The following CCNH variants were observed in gnomAD, a reference collection of about 807,000 sequenced individuals.
The protein encoded by CCNH is cyclin H.
A neutral mutation model predicts 41.9 loss-of-function variants in CCNH; 31 were observed. That is an observed-to-expected ratio of 0.74 (90% CI 0.56 to 1.00). CCNH has a LOEUF of 1.00. Among genes scored for constraint, CCNH ranks in the 50% least tolerant of loss-of-function variants. The probability of loss-of-function intolerance (pLI) is 0.00; values close to 1 mark genes in which losing one functional copy is unlikely to be tolerated. For synonymous variants in CCNH, 138 were observed against 136.1 expected (o/e 1.01, Z -0.10); for missense variants, 362 against 388.4 (o/e 0.93, Z 0.57).
At chr5:87,377,307 C>T, upstream of CCNH, 1 of 467,174 alleles carries the variant, frequency 2.1e-6, no homozygotes, top group South Asian at 2.1e-5. Flanking sequence ...AATGGCTTGA[C>T]TGTTTGGCAT....
At chr5:87,409,629 CGT>C (rs71610500) in intron 2 of CCNH, among the ~76,000 whole-genome samples, 3,918 of 145,872 alleles carry the variant, frequency 0.027, 48 homozygotes, top group Admixed American at 0.047. Context: ...TTTAAAAATA[CGT>C]GTGTGTGTGT....
chr5:87,409,128 T>A, intron 3 of CCNH, 162 bp downstream of exon 3: 1 of 428,526 alleles, frequency 2.3e-6, no homozygotes, highest in Non-Finnish European at 4.1e-6. Context: ...AGATCTCAAG[T>A]TCTGAATAAA....
chr5:87,358,337 CATTT>C (rs529292852), intron 9 of CCNH, among the ~76,000 whole-genome samples: 1 of 152,220 alleles, frequency 6.6e-6, no homozygotes, highest in Non-Finnish European at 1.5e-5. Context: ...CATATTCATT[CATTT>C]AATTTTCTCA....
At chr5:87,351,689 G>C (rs939032029) in intron 9 of CCNH, among the ~76,000 whole-genome samples, 1 of 151,626 alleles carries the variant, frequency 6.6e-6, no homozygotes, top group East Asian at 1.9e-4. Flanking sequence ...TCCCCTGACT[G>C]TTTATTTCGG....
At chr5:87,374,270 T>C, downstream of CCNH, 1 of 1,605,064 alleles carries the variant, frequency 6.2e-7, no homozygotes, top group Non-Finnish European at 8.5e-7. Context: ...TAGCAAAAAC[T>C]CATGCAAGGG....
intron 9 of CCNH, among the ~76,000 whole-genome samples, chr5:87,330,412 A>C (rs1757524740): frequency 1.3e-5 from 2 of 152,170 alleles, no homozygotes; most frequent in African/African-American, 2.4e-5. Context: ...TGAATATATC[A>C]ATGTAATATG....
downstream of CCNH, among the ~76,000 whole-genome samples, chr5:87,317,976 T>G (rs1756475022): frequency 6.6e-6 from 1 of 152,258 alleles, no homozygotes. Flanking sequence ...CCCATTTTTT[T>G]TAGAGCTTTG....
intron 9 of CCNH, among the ~76,000 whole-genome samples, chr5:87,326,281 T>C (rs1757223980): frequency 6.6e-6 from 1 of 152,174 alleles, no homozygotes; most frequent in Non-Finnish European, 1.5e-5. Context: ...ACAGCACACA[T>C]TTATAAAAAA....
At chr5:87,337,251 A>C (rs1758041427) in intron 9 of CCNH, among the ~76,000 whole-genome samples, 1 of 152,052 alleles carries the variant, frequency 6.6e-6, no homozygotes, top group Admixed American at 6.6e-5. Context: ...AATTGTGTGG[A>C]GGTTGAAAAC....
At chr5:87,382,454 A>G (rs183224542) in intron 9 of CCNH, among the ~76,000 whole-genome samples, 108 of 152,340 alleles carry the variant, frequency 7.1e-4, no homozygotes, top group South Asian at 3.1e-3. Flanking sequence ...TTGTCTTTAC[A>G]TGGATTATGT....
chr5:87,401,184 T>TCCAGCTTCCGATGGCTG (rs1468309544), intron 6 of CCNH, among the ~76,000 whole-genome samples: 3 of 152,240 alleles, frequency 2.0e-5, no homozygotes, highest in African/African-American at 7.2e-5. Context: ...CCTTGCCTGT[T>TCCAGCTTCCGATGGCTG]CCAGCTTCCG....
upstream of CCNH, among the ~76,000 whole-genome samples, chr5:87,380,049 A>G (rs909156865): frequency 1.3e-5 from 2 of 152,174 alleles, no homozygotes; most frequent in Non-Finnish European, 2.9e-5. Context: ...GTACAAGCCA[A>G]TATGTCTGGT....
At chr5:87,354,721 C>T (rs905249452) in intron 9 of CCNH, among the ~76,000 whole-genome samples, 2 of 152,074 alleles carry the variant, frequency 1.3e-5, no homozygotes, top group Non-Finnish European at 2.9e-5. Context: ...ATGGTGAAAG[C>T]CAAAATAGGC....
At chr5:87,326,136 T>C (rs1205448088) in intron 9 of CCNH, among the ~76,000 whole-genome samples, 1 of 152,132 alleles carries the variant, frequency 6.6e-6, no homozygotes, top group Non-Finnish European at 1.5e-5. Context: ...CATGCCTGGC[T>C]AATTTTTGTA....
intron 9 of CCNH, among the ~76,000 whole-genome samples, chr5:87,320,058 G>C (rs774164191): frequency 1.9e-4 from 29 of 152,144 alleles, no homozygotes; most frequent in Non-Finnish European, 3.1e-4. Flanking sequence ...TAGGGCAGGG[G>C]CACAATGCTG....
At chr5:87,343,068 T>A (rs924599929) in intron 9 of CCNH, among the ~76,000 whole-genome samples, 50 of 152,296 alleles carry the variant, frequency 3.3e-4, no homozygotes, top group Non-Finnish European at 5.9e-4. Context: ...ATGTGTATGT[T>A]TGTTCCCTTT....
At chr5:87,377,811 C>T (rs1761427835), upstream of CCNH, among the ~76,000 whole-genome samples, 1 of 152,098 alleles carries the variant, frequency 6.6e-6, no homozygotes, top group South Asian at 2.1e-4. Flanking sequence ...CTTCTAGGTT[C>T]CCCAAATAAA....
At chr5:87,378,227 G>A (rs1761454735), upstream of CCNH, among the ~76,000 whole-genome samples, 1 of 152,182 alleles carries the variant, frequency 6.6e-6, no homozygotes, top group Admixed American at 6.5e-5. Flanking sequence ...ACAGAGTTAA[G>A]TCTGTAGAAG....
At chr5:87,347,261 C>T (rs573704632) in intron 9 of CCNH, among the ~76,000 whole-genome samples, 2 of 151,932 alleles carry the variant, frequency 1.3e-5, no homozygotes, top group Admixed American at 6.6e-5. Context: ...TCTTTGTATA[C>T]TTGTGGAATT....
Sources: gnomAD v4.1 joint callset for allele counts (sites outside exome capture counted in the v4.1 genomes callset) on GRCh38, gnomAD v4.1.1 for gene constraint, MANE v1.5 for transcripts, NCBI Gene and HGNC (gene_info 2026-07-23, HGNC 2026-07-21) for gene names.